Variants in ITPR1 observed in about 807,000 individuals in gnomAD.
ITPR1 encodes the protein inositol 1,4,5-trisphosphate-gated calcium channel ITPR1.
A neutral mutation model predicts 318.4 loss-of-function variants in ITPR1; 96 were observed. That is an observed-to-expected ratio of 0.30 (90% CI 0.26 to 0.36). ITPR1 has a LOEUF of 0.36. ITPR1 is among the 10% of genes least tolerant of loss of function. ITPR1 has a pLI of 1.00. For missense variants in ITPR1, 2,440 were observed against 3,460.2 expected, an observed-to-expected ratio of 0.71 and a Z score of 7.40; for synonymous variants, 1,312 against 1,289.9, an observed-to-expected ratio of 1.02 and a Z score of -0.37.
chr3:4,815,567 C>T (rs987049524), intron 59 of ITPR1, among the ~76,000 whole-genome samples: 2 of 152,058 alleles, frequency 1.3e-5, no homozygotes, highest in South Asian at 2.1e-4. Context: ...TGAGAGACAG[C>T]GTATGTAACA....
chr3:4,571,448 C>T (rs545240782), intron 4 of ITPR1, among the ~76,000 whole-genome samples: 1 of 152,088 alleles, frequency 6.6e-6, no homozygotes, highest in Non-Finnish European at 1.5e-5. Context: ...TCAAGCAATC[C>T]TCCCGTCAGT....
At chr3:4,593,538 A>AT (rs1315899266) in intron 4 of ITPR1, among the ~76,000 whole-genome samples, 2 of 152,210 alleles carry the variant, frequency 1.3e-5, no homozygotes, top group Non-Finnish European at 2.9e-5. Context: ...CTGGTGACAT[A>AT]TTTTTTAGAA....
chr3:4,677,048 G>C (rs568448217), intron 24 of ITPR1, among the ~76,000 whole-genome samples: 1 of 152,094 alleles, frequency 6.6e-6, no homozygotes, highest in East Asian at 1.9e-4. Context: ...AGCTTTCCAT[G>C]ATCATTGGCC....
chr3:4,621,294 G>A (rs1047777326), intron 4 of ITPR1, among the ~76,000 whole-genome samples: 4 of 152,096 alleles, frequency 2.6e-5, no homozygotes, highest in African/African-American at 9.7e-5. Flanking sequence ...AAGGTGAAGG[G>A]GGAAGAGGCA....
intron 4 of ITPR1, among the ~76,000 whole-genome samples, chr3:4,608,676 C>T (rs1199742759): frequency 2.0e-5 from 3 of 151,910 alleles, no homozygotes; most frequent in Non-Finnish European, 4.4e-5. Flanking sequence ...TACAGGACAC[C>T]CCCACAATGA....
At chr3:4,665,445 A>G in intron 17 of ITPR1, 149 bp downstream of exon 17, 1 of 645,064 alleles carries the variant, frequency 1.6e-6, no homozygotes, top group Non-Finnish European at 2.5e-6. Context: ...AGGAAACACA[A>G]GCCCAGGAAG....
chr3:4,766,299 A>G (rs960659039), intron 44 of ITPR1, among the ~76,000 whole-genome samples: 1 of 152,212 alleles, frequency 6.6e-6, no homozygotes, highest in Non-Finnish European at 1.5e-5. Flanking sequence ...CCCAAAGCCT[A>G]TGTGTCTGTT....
At chr3:4,796,433 G>A (rs980064298) in intron 53 of ITPR1, among the ~76,000 whole-genome samples, 4 of 152,158 alleles carry the variant, frequency 2.6e-5, no homozygotes, top group Admixed American at 6.5e-5. Context: ...CAGCAGAGGA[G>A]TGCGTGGCAG....
At chr3:4,504,965 T>C (rs1209630318) in intron 2 of ITPR1, among the ~76,000 whole-genome samples, 1 of 143,786 alleles carries the variant, frequency 7.0e-6, no homozygotes, top group Non-Finnish European at 1.5e-5. Flanking sequence ...GCATACTCCT[T>C]TTTTTTTTTT....
chr3:4,645,811 TATTC>T (rs757599578), intron 10 of ITPR1, 83 bp downstream of exon 10: 3 of 1,269,662 alleles, frequency 2.4e-6, no homozygotes, highest in Non-Finnish European at 3.3e-6. Context: ...ATCCTACAAA[TATTC>T]ATACATACAT....
Position 4,689,452 on chromosome 3 carries a change from G to C in ITPR1, c.3828+832G>C, listed in dbSNP as rs180822530. Among the ~76,000 whole-genome samples, 4 of 152,316 alleles carry C rather than the reference G, an allele frequency of 2.6e-5. No individual in the cohort carries two copies. In the East Asian group the frequency reaches 7.7e-4, roughly 29 times the overall value. ...CAAAATTCAAAACTTTTGAGTGCCA[G>C]TGTGATGCTCAAAGCAAACACTCAT... On this transcript the variant is annotated intron_variant, in intron 31 of 61. Transcript: ENST00000649015.
chr3:4,730,709 C>T (rs1217890541), intron 42 of ITPR1, among the ~76,000 whole-genome samples: 1 of 152,004 alleles, frequency 6.6e-6, no homozygotes, highest in Non-Finnish European at 1.5e-5. Flanking sequence ...AAAAAGCCAC[C>T]ACTAGAAACT....
chr3:4,775,223 G>A lies in ITPR1; in HGVS notation c.5980-19G>A. ...CCCTCTGCCTTTGCTCACCGAACCTGGGGACTACCCAATTGCAGAACTTCC... is the reference window on the plus strand; with the variant it reads ...CCCTCTGCCTTTGCTCACCGAACCTAGGGACTACCCAATTGCAGAACTTCC... On this transcript the variant is annotated intron_variant, in intron 46 of 61. Transcript: ENST00000649015. The A allele has an allele frequency of 6.3e-7, 1 of 1,594,898 alleles. No homozygotes were observed. Among genetic ancestry groups the A allele is most frequent in the Non-Finnish European group, 8.6e-7 (1 of 1,162,648 alleles).
intron 4 of ITPR1, among the ~76,000 whole-genome samples, chr3:4,603,786 C>G (rs981417446): frequency 6.6e-5 from 10 of 152,156 alleles, no homozygotes; most frequent in South Asian, 2.1e-4. Flanking sequence ...CTATTGTGAA[C>G]AGCACTGTGA....
Position 4,549,029 on chromosome 3 carries a change from AAAC to A in ITPR1, c.163+27940_163+27942del, listed in dbSNP as rs140651356. Among the ~76,000 whole-genome samples the A allele has an allele frequency of 3.9e-3, 592 of 152,272 alleles. 6 individuals carry two copies. The highest frequency in any genetic ancestry group is 0.014 in the African/African-American group (563 of 41,560). On this transcript the variant is annotated intron_variant, in intron 4 of 61. Coordinates refer to ENST00000649015, the MANE Select transcript of ITPR1 (RefSeq NM_001378452.1). ...GTTTTTCTTCTTGGTCACAGAGTGCAAACAACACCAGGCCACTCTTGGTTGTCA... is the reference window on the plus strand; with the variant it reads ...GTTTTTCTTCTTGGTCACAGAGTGCAAACACCAGGCCACTCTTGGTTGTCA...
intron 44 of ITPR1, among the ~76,000 whole-genome samples, chr3:4,748,340 G>A (rs1188679193): frequency 1.3e-5 from 2 of 152,170 alleles, no homozygotes; most frequent in Non-Finnish European, 2.9e-5. Context: ...GTTTGGGGTG[G>A]GAACAGGCTG....
At chr3:4,647,885 C>T (rs1454134442) in intron 10 of ITPR1, among the ~76,000 whole-genome samples, 1 of 152,236 alleles carries the variant, frequency 6.6e-6, no homozygotes, top group Non-Finnish European at 1.5e-5. Context: ...GACATGGTGG[C>T]TCATGCCTGT....
At chr3:4,758,689 TC>T (rs2045206472) in intron 44 of ITPR1, among the ~76,000 whole-genome samples, 2 of 152,010 alleles carry the variant, frequency 1.3e-5, no homozygotes, top group South Asian at 4.2e-4. Flanking sequence ...GAAAGGAGTG[TC>T]CCCCTTTGAA....
chr3:4,845,798 T>TACAAAGCCACC (rs1165238514), intron 61 of ITPR1, among the ~76,000 whole-genome samples: 3 of 152,190 alleles, frequency 2.0e-5, no homozygotes, highest in African/African-American at 7.2e-5. Flanking sequence ...GTTACTATCG[T>TACAAAGCCACC]ACAAAGCCAC....
Sources: gnomAD v4.1 joint callset for allele counts (sites outside exome capture counted in the v4.1 genomes callset) on GRCh38, gnomAD v4.1.1 for gene constraint, MANE v1.5 for transcripts, NCBI Gene and HGNC (gene_info 2026-07-23, HGNC 2026-07-21) for gene names.